The following CDKAL1 variants were observed in gnomAD, a reference collection of about 807,000 sequenced individuals.
CDKAL1 encodes the protein threonylcarbamoyladenosine tRNA methylthiotransferase.
A neutral mutation model predicts 68.2 loss-of-function variants in CDKAL1; 32 were observed. The observed-to-expected ratio is 0.47, with a 90% CI of 0.35 to 0.63. The LOEUF (loss-of-function observed/expected upper bound fraction) is 0.63. CDKAL1 is among the 30% of genes least tolerant of loss of function. CDKAL1 has a pLI of 0.00. For synonymous variants in CDKAL1, 234 were observed against 244.3 expected (o/e 0.96, Z 0.39); for missense variants, 606 against 696.7 (o/e 0.87, Z 1.47).
intron 11 of CDKAL1, among the ~76,000 whole-genome samples, chr6:21,039,877 A>G (rs780044526): frequency 2.0e-5 from 3 of 152,160 alleles, no homozygotes; most frequent in Non-Finnish European, 4.4e-5. Flanking sequence ...TCCATGCATG[A>G]CAGTTTTAAT....
intron 5 of CDKAL1, among the ~76,000 whole-genome samples, chr6:20,668,374 G>A (rs539976752): frequency 8.5e-4 from 130 of 152,224 alleles, no homozygotes; most frequent in Non-Finnish European, 1.7e-3. Flanking sequence ...AAGCTGGAGT[G>A]GAGTGGCTAT....
chr6:21,015,864 C>G (rs911657143), intron 11 of CDKAL1, among the ~76,000 whole-genome samples: 3 of 151,550 alleles, frequency 2.0e-5, no homozygotes, highest in African/African-American at 7.3e-5. Context: ...ATGAGAATCA[C>G]TTGGACCCAG....
chr6:20,924,877 A>G (rs950364692), intron 9 of CDKAL1, among the ~76,000 whole-genome samples: 1 of 152,266 alleles, frequency 6.6e-6, no homozygotes, highest in Non-Finnish European at 1.5e-5. Context: ...TATTGAGAGA[A>G]GATGCCATCT....
At chr6:21,103,136 T>G (rs1462091693) in intron 12 of CDKAL1, among the ~76,000 whole-genome samples, 2 of 152,202 alleles carry the variant, frequency 1.3e-5, no homozygotes, top group Non-Finnish European at 2.9e-5. Flanking sequence ...CACCATTTTA[T>G]TTGGGAAAAC....
intron 13 of CDKAL1, among the ~76,000 whole-genome samples, chr6:21,183,835 A>T (rs914701745): frequency 3.9e-5 from 6 of 152,176 alleles, no homozygotes; most frequent in Admixed American, 6.5e-5. Context: ...CCCAAGCCAC[A>T]TCATTACTGT....
At chr6:20,947,011 G>A (rs557544067) in intron 9 of CDKAL1, among the ~76,000 whole-genome samples, 6 of 151,956 alleles carry the variant, frequency 3.9e-5, no homozygotes, top group East Asian at 1.9e-4. Flanking sequence ...TAGATTTCAC[G>A]TGGGCAGAGA....
chr6:21,108,768 T>C (rs1162187993), intron 13 of CDKAL1, among the ~76,000 whole-genome samples: 1 of 152,220 alleles, frequency 6.6e-6, no homozygotes, highest in Admixed American at 6.5e-5. Flanking sequence ...TTCCAAACAC[T>C]GTACTGGAGG....
At chr6:21,194,854 A>G (rs1562107197) in intron 13 of CDKAL1, among the ~76,000 whole-genome samples, 2 of 152,154 alleles carry the variant, frequency 1.3e-5, no homozygotes, top group African/African-American at 2.4e-5. Flanking sequence ...ATTATTTGGA[A>G]TAGTTGTTTC....
At chr6:20,653,995 C>T (rs1340273347) in intron 5 of CDKAL1, among the ~76,000 whole-genome samples, 7 of 152,184 alleles carry the variant, frequency 4.6e-5, no homozygotes, top group Admixed American at 2.0e-4. Flanking sequence ...GATCCACCCA[C>T]CTTGGCCTCC....
chr6:21,229,526 C>CAAAG (rs1779874990), intron 15 of CDKAL1, among the ~76,000 whole-genome samples: 1 of 152,120 alleles, frequency 6.6e-6, no homozygotes, highest in Admixed American at 6.5e-5. Context: ...AAACAGAAGC[C>CAAAG]AAAGAGGTAC....
At chr6:21,040,363 G>T (rs1436528618) in intron 11 of CDKAL1, among the ~76,000 whole-genome samples, 1 of 152,110 alleles carries the variant, frequency 6.6e-6, no homozygotes, top group Non-Finnish European at 1.5e-5. Context: ...CTGAAGTCTT[G>T]TACCCCTATG....
rs1411378591 is a variant in CDKAL1, at chr6:20,830,943, AT to A, written c.639-15122del. On this transcript the variant is annotated intron_variant, in intron 8 of 15. Coordinates refer to ENST00000274695, the MANE Select transcript of CDKAL1 (RefSeq NM_017774.3). ...TTAGATTTTTTTTTTTCCAACTTTG[AT>A]TTTTTTTTTCTTATGATTCTTGAGT... Among the ~76,000 whole-genome samples the A allele has an allele frequency of 5.4e-4, 81 of 149,066 alleles. No homozygotes were observed. In the East Asian group the frequency reaches 0.012, roughly 21 times the overall value.
intron 12 of CDKAL1, among the ~76,000 whole-genome samples, chr6:21,091,857 C>CTTTTTTTTTTTTTTTTTTT (rs70990099): frequency 4.3e-5 from 3 of 70,580 alleles, no homozygotes; most frequent in African/African-American, 6.2e-5. Context: ...TCAGAACTTT[C>CTTTTTTTTTTTTTTTTTTT]TTTTTTTTTT....
At position 20,538,854 on chromosome 6, in the gene CDKAL1, A is replaced by C. The variant is rs552393270; in HGVS notation, c.-6+3460A>C. ...TAAATTCAACTTAAGCATTGTGTTCATTCATTTAGTCAGTAACTATTGTGT... is the reference window on the plus strand; with the variant it reads ...TAAATTCAACTTAAGCATTGTGTTCCTTCATTTAGTCAGTAACTATTGTGT... On this transcript the variant is annotated intron_variant, in intron 2 of 15. Transcript: ENST00000274695. Among the ~76,000 whole-genome samples the C allele has an allele frequency of 6.4e-4, 98 of 152,322 alleles. 1 individual carries two copies. The highest frequency in any genetic ancestry group is 2.3e-3 in the African/African-American group (96 of 41,560).
intron 10 of CDKAL1, among the ~76,000 whole-genome samples, chr6:20,991,750 A>G (rs1160940898): frequency 1.4e-5 from 2 of 147,306 alleles, no homozygotes; most frequent in Non-Finnish European, 3.0e-5. Context: ...GCTCAGTGTC[A>G]TGCATCTGTC....
chr6:20,690,522 A>T (rs914175089), intron 5 of CDKAL1, among the ~76,000 whole-genome samples: 1 of 152,160 alleles, frequency 6.6e-6, no homozygotes, highest in African/African-American at 2.4e-5. Flanking sequence ...TGAGGGAGAC[A>T]CACCCCTGCC....
intron 8 of CDKAL1, among the ~76,000 whole-genome samples, chr6:20,822,134 C>T (rs1777307291): frequency 6.6e-6 from 1 of 152,116 alleles, no homozygotes; most frequent in Non-Finnish European, 1.5e-5. Flanking sequence ...CTGTCTGGCT[C>T]TTTCCAGGAA....
At chr6:20,824,130 C>T (rs960138098) in intron 8 of CDKAL1, among the ~76,000 whole-genome samples, 13 of 152,126 alleles carry the variant, frequency 8.5e-5, no homozygotes, top group South Asian at 6.2e-4. Flanking sequence ...GTCTTGCTAC[C>T]GCTGCTTCTA....
chr6:21,024,141 A>G (rs903521686), intron 11 of CDKAL1, among the ~76,000 whole-genome samples: 1 of 149,860 alleles, frequency 6.7e-6, no homozygotes, highest in African/African-American at 2.4e-5. Context: ...CTGTTAGGTT[A>G]CACTTACTAT....
Sources: gnomAD v4.1 joint callset for allele counts (sites outside exome capture counted in the v4.1 genomes callset) on GRCh38, gnomAD v4.1.1 for gene constraint, MANE v1.5 for transcripts, NCBI Gene and HGNC (gene_info 2026-07-23, HGNC 2026-07-21) for gene names.